FAM186A: variants seen among roughly 807,000 people sequenced by gnomAD.
The protein encoded by FAM186A is family with sequence similarity 186 member A, also known as protein FAM186A.
A neutral mutation model predicts 216.8 loss-of-function variants in FAM186A; 163 were observed. That is an observed-to-expected ratio of 0.75 (90% CI 0.66 to 0.86). FAM186A has a LOEUF of 0.86. Ranked by LOEUF, FAM186A falls within the 40% of genes least tolerant of loss-of-function variation. FAM186A has a pLI of 0.00. For synonymous variants in FAM186A, 805 were observed against 1,025.3 expected (o/e 0.79, Z 4.10); for missense variants, 2,184 against 2,746.2 (o/e 0.80, Z 4.58).
chr12:50,334,807 A>T (rs1019900293), intron 4 of FAM186A, among the ~76,000 whole-genome samples: 2 of 151,938 alleles, frequency 1.3e-5, no homozygotes, highest in African/African-American at 4.8e-5. Flanking sequence ...TTCTCTCATC[A>T]TCCCCAGTAA....
At chr12:50,363,092 T>G (rs1488816368) in intron 2 of FAM186A, 53 bp downstream of exon 2, 1 of 1,390,424 alleles carries the variant, frequency 7.2e-7, no homozygotes, top group African/African-American at 1.5e-5. Context: ...TATATTCTCT[T>G]CTCTTTTTCA....
chr12:50,384,477 T>C (rs1186747988), intron 1 of FAM186A, among the ~76,000 whole-genome samples: 1 of 152,038 alleles, frequency 6.6e-6, no homozygotes, highest in African/African-American at 2.4e-5. Flanking sequence ...CAACAGACCC[T>C]GAATATCCAA....
intron 1 of FAM186A, among the ~76,000 whole-genome samples, chr12:50,377,658 C>A (rs1943210802): frequency 6.6e-6 from 1 of 151,434 alleles, no homozygotes; most frequent in Admixed American, 6.6e-5. Flanking sequence ...CATGGTGAAA[C>A]CCTGTCTCTA....
At chr12:50,379,508 C>G (rs946454803) in intron 1 of FAM186A, among the ~76,000 whole-genome samples, 1 of 149,250 alleles carries the variant, frequency 6.7e-6, no homozygotes, top group Admixed American at 6.7e-5. Flanking sequence ...AAGCACAGGC[C>G]GGGCTCAGTG....
intron 4 of FAM186A, among the ~76,000 whole-genome samples, chr12:50,343,522 C>T (rs180983756): frequency 8.5e-5 from 13 of 152,048 alleles, no homozygotes; most frequent in African/African-American, 2.2e-4. Context: ...TTGCAACCTC[C>T]GTCTCCCGGG....
intron 4 of FAM186A, among the ~76,000 whole-genome samples, chr12:50,341,908 T>C (rs1942766624): frequency 2.0e-5 from 3 of 152,120 alleles, no homozygotes; most frequent in Non-Finnish European, 2.9e-5. Flanking sequence ...TGTAATATCA[T>C]AGGGGAAATC....
chr12:50,327,592 A>G (rs1044963453), intron 7 of FAM186A, among the ~76,000 whole-genome samples, 188 bp from the exon 8 acceptor site: 3 of 140,348 alleles, frequency 2.1e-5, no homozygotes, highest in African/African-American at 8.1e-5. Flanking sequence ...CACAGGCTGT[A>G]GTACAGTGGT....
chr12:50,391,156 T>C (rs556846687), intron 1 of FAM186A, among the ~76,000 whole-genome samples: 1 of 150,622 alleles, frequency 6.6e-6, no homozygotes, highest in Admixed American at 6.6e-5. Flanking sequence ...ATCTGGCTGA[T>C]TTTTGTATTC....
intron 1 of FAM186A, among the ~76,000 whole-genome samples, chr12:50,393,325 G>C (rs1943381140): frequency 6.6e-6 from 1 of 152,032 alleles, no homozygotes; most frequent in Non-Finnish European, 1.5e-5. Context: ...ATCACCTGAG[G>C]TCAGGAGTTC....
chr12:50,331,059 TA>T (rs202180980), intron 6 of FAM186A, among the ~76,000 whole-genome samples: 2 of 150,910 alleles, frequency 1.3e-5, no homozygotes, highest in Non-Finnish European at 3.0e-5. Context: ...CCTGCCTCCT[TA>T]AAAAAAAATA....
rs187558391 is a variant in FAM186A at position 50,345,243 on chromosome 12, T to C, written c.6503+5086A>G. Among the ~76,000 whole-genome samples the C allele has an allele frequency of 2.4e-3, 372 of 152,228 alleles. 1 individual carries two copies. Among genetic ancestry groups the C allele is most frequent in the African/African-American group, 8.3e-3 (346 of 41,552 alleles). The stretch of plus-strand genomic sequence containing the variant: ...ACAGTGGCTGAGCTAATTTACATTC[T>C]CATTAACAGCGTATAAGCATTCCTT... On this transcript the variant is annotated intron_variant, in intron 4 of 7. Coordinates refer to ENST00000327337, the MANE Select transcript of FAM186A (RefSeq NM_001145475.3).
chr12:50,381,621 A>G (rs1681213734), intron 1 of FAM186A, among the ~76,000 whole-genome samples: 1 of 152,220 alleles, frequency 6.6e-6, no homozygotes, highest in African/African-American at 2.4e-5. Flanking sequence ...AAACCAAAAA[A>G]GAACAGGAGC....
At chr12:50,381,158 G>A (rs565186523) in intron 1 of FAM186A, among the ~76,000 whole-genome samples, 34 of 152,284 alleles carry the variant, frequency 2.2e-4, no homozygotes, top group African/African-American at 6.7e-4. Flanking sequence ...TGGGCTCCCC[G>A]AAGGGCCACA....
At chr12:50,382,148 T>G (rs765756113) in intron 1 of FAM186A, among the ~76,000 whole-genome samples, 2 of 149,966 alleles carry the variant, frequency 1.3e-5, no homozygotes, top group East Asian at 2.0e-4. Context: ...TGTTACTTGA[T>G]GAGCAGTCAC....
At position 50,351,118 on chromosome 12, in the gene FAM186A, G is replaced by C; in HGVS notation, c.5714C>G (p.Thr1905Ser). 1 of 1,551,586 alleles carries C rather than the reference G, an allele frequency of 6.4e-7. No homozygotes were observed. Among genetic ancestry groups the C allele is most frequent in the Admixed American group, 2.0e-5 (1 of 50,988 alleles). Residue 1905 changes from threonine to serine, a missense_variant, in exon 4 of 8, where the codon ACC becomes AGC. Around this residue, in one of 7 missense-constraint regions of FAM186A, gnomAD observed 721 missense variants for 816.4 expected, o/e 0.88. Coordinates refer to ENST00000327337, the MANE Select transcript of FAM186A (RefSeq NM_001145475.3). ...CCATGTTGCCAGATGCTGCCCAGGG[G>C]TAGAAGGAGCCTGCAGATAGGGAGA... ...EQSPYLQAPS[T>S]PGQHLATWTL...
Position 50,396,603 on chromosome 12 carries a change from A to T in FAM186A, c.-119T>A. 1.0e-6 allele frequency: 1 copy of T among 959,048 alleles called. No homozygotes were observed. 59.4% of individuals were successfully genotyped at this position (959,048 alleles called of 1,614,324 possible). A position where few individuals can be genotyped will look rare whatever the true frequency, so the allele number is the denominator to read the frequency against. ...CTTTCCTGATCCTAGAAGTTGTGGC[A>T]TACTCTGCTACTAATTGGTGGCTCC... On this transcript the variant is annotated 5_prime_UTR_variant, in exon 1 of 8. The change abolishes an upstream ATG in the 5' untranslated region. Transcript: ENST00000327337.
Position 50,358,985 on chromosome 12 carries a change from A to G in FAM186A, c.583+1771T>C, listed in dbSNP as rs180746298. ...GGGCAAGTACTTGAATAGATATTTC[A>G]CCAAAAAATGTATGGAAATAGCTTA... On this transcript the variant is annotated intron_variant, in intron 3 of 7. Coordinates refer to ENST00000327337, the MANE Select transcript of FAM186A (RefSeq NM_001145475.3). Among the ~76,000 whole-genome samples, 4 of 152,004 alleles carry G rather than the reference A, an allele frequency of 2.6e-5. No homozygotes were observed. In the East Asian group the frequency reaches 7.7e-4, roughly 29 times the overall value.
intron 7 of FAM186A, among the ~76,000 whole-genome samples, chr12:50,330,205 A>G (rs772856966): frequency 1.9e-4 from 29 of 152,176 alleles, no homozygotes; most frequent in Admixed American, 2.6e-4. Context: ...ACTTAAGCTC[A>G]TGTCACTGAA....
chr12:50,364,774 A>T (rs992445412), intron 1 of FAM186A, among the ~76,000 whole-genome samples: 1 of 151,556 alleles, frequency 6.6e-6, no homozygotes, highest in African/African-American at 2.4e-5. Flanking sequence ...ATGGTGGCTC[A>T]TGCCTGTAAT....
Sources: allele counts gnomAD v4.1 joint callset (sites outside exome capture counted in the v4.1 genomes callset), GRCh38; gene constraint gnomAD v4.1.1; regional missense constraint gnomAD v4.1.1; transcripts MANE v1.5; gene names NCBI Gene and HGNC (gene_info 2026-07-23, HGNC 2026-07-21).